SYTL5: variants seen among roughly 807,000 people sequenced by gnomAD.
The protein encoded by SYTL5 is synaptotagmin-like protein 5.
In SYTL5, 34 loss-of-function variants were observed where a neutral mutation model predicts 55.9. That is an observed-to-expected ratio of 0.61 (90% CI 0.46 to 0.81). The LOEUF (loss-of-function observed/expected upper bound fraction) is 0.81, where lower values mean the gene tolerates loss of function less well. SYTL5 is among the 30% of genes least tolerant of loss of function. The pLI, the probability that SYTL5 is intolerant of heterozygous loss-of-function variation, is 0.00. For synonymous variants in SYTL5, 221 were observed against 188.7 expected (o/e 1.17, Z -1.40); for missense variants, 637 against 546.7 (o/e 1.17, Z -1.65).
the SYTL5 span, among the ~76,000 whole-genome samples, chrX:37,918,595 C>G: frequency 8.9e-6 from 1 of 111,983 alleles, no homozygotes; most frequent in Non-Finnish European, 1.9e-5. Context: ...TTTATGGCAA[C>G]AAATAACTGA....
the SYTL5 span, among the ~76,000 whole-genome samples, chrX:37,916,288 A>G: frequency 8.9e-6 from 1 of 112,225 alleles, no homozygotes; most frequent in Non-Finnish European, 1.9e-5. Flanking sequence ...AGCTGTAATG[A>G]GCGGAGCCCA....
chrX:37,902,733 A>G, the SYTL5 span, among the ~76,000 whole-genome samples: 11 of 111,789 alleles, frequency 9.8e-5, no homozygotes, highest in South Asian at 2.3e-3. Flanking sequence ...CAGGCCAGCC[A>G]ATCAGAATAT....
intron 5 of SYTL5, among the ~76,000 whole-genome samples, chrX:38,076,319 G>A (rs1481381056): frequency 9.0e-6 from 1 of 111,468 alleles, no homozygotes; most frequent in Non-Finnish European, 1.9e-5. Flanking sequence ...CTCAGAATAG[G>A]CAGTCTTTTG....
At chrX:38,050,530 A>G (rs1044161021) in intron 2 of SYTL5, among the ~76,000 whole-genome samples, 1 of 111,722 alleles carries the variant, frequency 9.0e-6, no homozygotes, top group East Asian at 2.8e-4. Context: ...CTATAGAGCA[A>G]CAAGGAAAAT....
chrX:38,114,974 C>T (rs1315672436), intron 13 of SYTL5, among the ~76,000 whole-genome samples: 1 of 111,907 alleles, frequency 8.9e-6, no homozygotes, highest in African/African-American at 3.3e-5. Flanking sequence ...CTGTGCCTGG[C>T]TTATTTTAAT....
At chrX:37,927,388 C>T in the SYTL5 span, among the ~76,000 whole-genome samples, 2 of 111,326 alleles carry the variant, frequency 1.8e-5, no homozygotes, top group Non-Finnish European at 3.8e-5. Context: ...CAAAGGGATT[C>T]TTATGAGAGA....
chrX:38,005,418 A>G (rs895002104), upstream of SYTL5, among the ~76,000 whole-genome samples: 1 of 112,028 alleles, frequency 8.9e-6, no homozygotes, highest in African/African-American at 3.2e-5. Flanking sequence ...GAAAAAGACT[A>G]AATCAATTAT....
At chrX:37,903,133 T>A in the SYTL5 span, among the ~76,000 whole-genome samples, 2 of 111,187 alleles carry the variant, frequency 1.8e-5, no homozygotes, top group Non-Finnish European at 3.8e-5. Context: ...ATTGTGGAAG[T>A]CAGTGTGGCG....
the SYTL5 span, among the ~76,000 whole-genome samples, chrX:37,989,017 A>G: frequency 2.6e-3 from 296 of 111,950 alleles, 2 homozygotes; most frequent in African/African-American, 8.8e-3. Flanking sequence ...GATATGAGAA[A>G]TTTTCAGCCT....
intron 5 of SYTL5, among the ~76,000 whole-genome samples, chrX:38,075,313 A>G (rs1287003243): frequency 1.8e-5 from 2 of 112,084 alleles, no homozygotes; most frequent in East Asian, 5.6e-4. Flanking sequence ...TACTAAGTAT[A>G]AAAGAATTGC....
intron 4 of SYTL5, among the ~76,000 whole-genome samples, chrX:38,073,115 TC>T (rs1172811535): frequency 1.0e-3 from 113 of 112,062 alleles, no homozygotes; most frequent in African/African-American, 3.4e-3. Context: ...AGCCATGGCC[TC>T]TTCTTCCACT....
At chrX:38,028,845 A>T (rs768170676) in intron 1 of SYTL5, among the ~76,000 whole-genome samples, 1 of 112,018 alleles carries the variant, frequency 8.9e-6, no homozygotes, top group African/African-American at 3.2e-5. Context: ...GTGGATGACA[A>T]AATGTCTTAG....
chrX:38,005,123 C>T (rs192338508), upstream of SYTL5, among the ~76,000 whole-genome samples: 9 of 111,399 alleles, frequency 8.1e-5, no homozygotes, highest in East Asian at 2.5e-3. Flanking sequence ...GCAGGGGAGA[C>T]AGAATTTGTA....
intron 7 of SYTL5, among the ~76,000 whole-genome samples, chrX:38,091,320 T>G (rs956515424): frequency 1.7e-4 from 19 of 112,396 alleles, no homozygotes; most frequent in African/African-American, 5.2e-4. Flanking sequence ...ATTGTAGTTG[T>G]GAAGATAAAA....
intron 2 of SYTL5, among the ~76,000 whole-genome samples, chrX:38,043,688 T>TATATATATATATATATATATATAC (rs1210450618): frequency 3.1e-5 from 2 of 64,958 alleles, no homozygotes; most frequent in African/African-American, 1.7e-4. Flanking sequence ...TATATATATA[T>TATATATATATATATATATATATAC]ATACATATAT....
intron 2 of SYTL5, among the ~76,000 whole-genome samples, chrX:38,043,664 T>TATATATATATATATATATATATAC (rs1569165919): frequency 8.6e-5 from 3 of 34,739 alleles, no homozygotes; most frequent in Non-Finnish European, 1.6e-4. Context: ...TATGTATGTA[T>TATATATATATATATATATATATAC]ATATATATAT....
chrX:38,030,970 T>C lies in SYTL5; in HGVS notation c.-356-2564T>C, dbSNP rs145382939. Among the ~76,000 whole-genome samples the C allele has an allele frequency of 9.5e-3, 1,060 of 112,012 alleles. 7 individuals carry two copies. The highest frequency in any genetic ancestry group is 0.041 in the Middle Eastern group (9 of 218). On this transcript the variant is annotated intron_variant, in intron 1 of 16. Coordinates refer to ENST00000297875, the MANE Select transcript of SYTL5 (RefSeq NM_138780.3). ...ATAAAATAAGATGAGAGGGAAACTT[T>C]ATCCAGTTTTTTGTTTTTGTTTTTT... is the stretch of plus-strand genomic sequence containing the variant.
intron 1 of SYTL5, among the ~76,000 whole-genome samples, chrX:38,030,703 G>A (rs184559309): frequency 1.2e-4 from 13 of 112,155 alleles, no homozygotes; most frequent in Admixed American, 5.7e-4. Flanking sequence ...CCTAATCCTG[G>A]AATTGAAGCT....
rs140399139 is a variant in SYTL5, at chrX:38,104,640, A to G, written c.1156-1953A>G. Among the ~76,000 whole-genome samples, 954 of 111,853 alleles carry G rather than the reference A, an allele frequency of 8.5e-3. 5 individuals are homozygous for G. The highest frequency in any genetic ancestry group is 0.046 in the Middle Eastern group (10 of 218). On this transcript the variant is annotated intron_variant, in intron 10 of 16. Coordinates refer to ENST00000297875, the MANE Select transcript of SYTL5 (RefSeq NM_138780.3). The stretch of plus-strand genomic sequence containing the variant: ...CTACTTCCAGAAATTGGTGGAACAT[A>G]ATGGCTTTTACCAAAAGCAAATTAT...
Sources: allele counts gnomAD v4.1 joint callset (sites outside exome capture counted in the v4.1 genomes callset), GRCh38; gene constraint gnomAD v4.1.1; transcripts MANE v1.5; gene names NCBI Gene and HGNC (gene_info 2026-07-23, HGNC 2026-07-21).